Variants in XPNPEP1 observed in about 807,000 individuals in gnomAD.
The protein encoded by XPNPEP1 is xaa-Pro aminopeptidase 1.
A neutral mutation model predicts 92.4 loss-of-function variants in XPNPEP1; 39 were observed. The ratio of observed to expected loss-of-function variants is 0.42; its 90% confidence interval spans 0.33 to 0.55. XPNPEP1 has a LOEUF of 0.55. Among genes scored for constraint, XPNPEP1 ranks in the 20% least tolerant of loss-of-function variants. The pLI is 0.08. For missense variants in XPNPEP1, 654 were observed against 856.1 expected, an observed-to-expected ratio of 0.76 and a Z score of 2.95; for synonymous variants, 307 against 299.4, an observed-to-expected ratio of 1.03 and a Z score of -0.26.
At chr10:109,887,907 A>G (rs1848480564) in intron 7 of XPNPEP1, 142 bp downstream of exon 7, 1 of 1,189,610 alleles carries the variant, frequency 8.4e-7, no homozygotes, top group South Asian at 2.0e-5. Context: ...TGCTTCTTCA[A>G]ATATCCCACT....
chr10:109,888,352 A>C, intron 6 of XPNPEP1, 151 bp downstream of exon 6: 3 of 1,228,850 alleles, frequency 2.4e-6, no homozygotes, highest in Non-Finnish European at 3.3e-6. Context: ...CTTCACCACC[A>C]GTGGAACTCT....
intron 3 of XPNPEP1, among the ~76,000 whole-genome samples, chr10:109,896,606 T>C (rs550178877): frequency 2.0e-5 from 3 of 152,132 alleles, no homozygotes; most frequent in Non-Finnish European, 4.4e-5. Flanking sequence ...ATATGTTTAT[T>C]GTCTTGTTCC....
intron 5 of XPNPEP1, among the ~76,000 whole-genome samples, chr10:109,890,835 T>A (rs1402524018): frequency 6.6e-6 from 1 of 152,244 alleles, no homozygotes; most frequent in Non-Finnish European, 1.5e-5. Flanking sequence ...GTCAGCTGGC[T>A]GCCTGGATCT....
chr10:109,904,323 T>C (rs1473007045), intron 3 of XPNPEP1, among the ~76,000 whole-genome samples: 1 of 151,502 alleles, frequency 6.6e-6, no homozygotes, highest in African/African-American at 2.4e-5. Context: ...TCTGCCAGGC[T>C]GAACAGCCAG....
intron 3 of XPNPEP1, among the ~76,000 whole-genome samples, chr10:109,901,812 A>C (rs1333322637): frequency 6.6e-6 from 1 of 152,254 alleles, no homozygotes; most frequent in Non-Finnish European, 1.5e-5. Flanking sequence ...ACACAGATCA[A>C]ATATTTCCAA....
At chr10:109,894,803 C>T (rs79079303) in intron 3 of XPNPEP1, among the ~76,000 whole-genome samples, 1,579 of 152,278 alleles carry the variant, frequency 0.01, 25 homozygotes, top group African/African-American at 0.036. Context: ...ACAGCAAGCA[C>T]GTTTTATTCC....
At chr10:109,919,349 G>A (rs1850399291) in intron 1 of XPNPEP1, among the ~76,000 whole-genome samples, 1 of 152,136 alleles carries the variant, frequency 6.6e-6, no homozygotes, top group South Asian at 2.1e-4. Flanking sequence ...TCCAGCAAAA[G>A]TACACAAATG....
Position 109,864,998 on chromosome 10 carries a change from C to A in XPNPEP1, c.*186G>T. On this transcript the variant is annotated 3_prime_UTR_variant, in exon 21 of 21. Transcript: ENST00000502935. ...GGCTTGTTCTCAACAATTAAAAAAT[C>A]ATAAAAGACTGAGTGTTTGCAATAA... 1.2e-6 allele frequency: 1 copy of A among 867,854 alleles called. No homozygotes were observed. Among genetic ancestry groups the A allele is most frequent in the Non-Finnish European group, 1.7e-6 (1 of 589,416 alleles). 53.8% of individuals were successfully genotyped at this position (867,854 alleles called of 1,614,324 possible).
In XPNPEP1 at chr10:109,890,581, TGTGTGTGTGTGTGAGAGA is replaced by T. The variant is rs1468350850; in HGVS notation, c.415+1123_415+1140del. ...GTGTGTGTGTGTGTGTGTGTGTGTG[TGTGTGTGTGTGTGAGAGA>T]GAGAGAGAGAGAGAGAGAGAGAGAG... On this transcript the variant is annotated intron_variant, in intron 5 of 20. Transcript: ENST00000502935. Among the ~76,000 whole-genome samples the T allele has an allele frequency of 2.7e-4, 25 of 91,216 alleles. No homozygotes were observed. The East Asian group carries it at 7.0e-3, about 26-fold the overall frequency. 59.8% of individuals were successfully genotyped at this position (91,216 alleles called of 152,430 possible). A position where few individuals can be genotyped will look rare whatever the true frequency, so the allele number is the denominator to read the frequency against.
intron 5 of XPNPEP1, among the ~76,000 whole-genome samples, chr10:109,891,115 C>T (rs959078841): frequency 2.0e-5 from 3 of 152,202 alleles, no homozygotes; most frequent in Non-Finnish European, 4.4e-5. Context: ...TATATACACA[C>T]ATTATTCAAT....
chr10:109,874,746 G>A (rs1412101895), intron 15 of XPNPEP1, among the ~76,000 whole-genome samples: 6 of 152,156 alleles, frequency 3.9e-5, no homozygotes, highest in Non-Finnish European at 5.9e-5. Flanking sequence ...TCAGGAGATC[G>A]AGACCATCCT....
At chr10:109,898,352 G>A (rs1362236733) in intron 3 of XPNPEP1, among the ~76,000 whole-genome samples, 1 of 152,204 alleles carries the variant, frequency 6.6e-6, no homozygotes, top group African/African-American at 2.4e-5. Context: ...GCAAACATAA[G>A]AAACTATCTT....
At chr10:109,874,620 T>C (rs898009524) in intron 15 of XPNPEP1, among the ~76,000 whole-genome samples, 3 of 152,200 alleles carry the variant, frequency 2.0e-5, no homozygotes, top group East Asian at 1.9e-4. Context: ...CCCTTAGCCA[T>C]AGTCCCAACT....
intron 9 of XPNPEP1, 83 bp from the exon 10 acceptor site, chr10:109,882,725 G>A (rs1444106045): frequency 6.9e-7 from 1 of 1,452,620 alleles, no homozygotes; most frequent in African/African-American, 1.4e-5. Context: ...TACACATCAG[G>A]CTCTGTTTCC....
rs1848514355 is a variant in XPNPEP1 at position 109,888,355 on chromosome 10, G to A, written c.508+148C>T. 3.3e-6 allele frequency: 4 copies of A among 1,229,480 alleles called. No homozygotes were observed. The African/African-American group carries it at 6.1e-5, about 19-fold the overall frequency. 76.2% of individuals were successfully genotyped at this position (1,229,480 alleles called of 1,614,324 possible). ...GTAAAAGCACATCTTCACCACCAGT[G>A]GAACTCTTCTCTTCACCCTGACCTC... On this transcript the variant is annotated intron_variant, in intron 6 of 20. Coordinates refer to ENST00000502935, the MANE Select transcript of XPNPEP1 (RefSeq NM_020383.4).
chr10:109,886,145 C>T (rs886127252), intron 8 of XPNPEP1, 101 bp downstream of exon 8: 1 of 1,178,174 alleles, frequency 8.5e-7, no homozygotes, highest in Non-Finnish European at 1.2e-6. Flanking sequence ...CTTCTTATTC[C>T]CTGGCCACTC....
intron 14 of XPNPEP1, chr10:109,876,704 G>C (rs2133378558): frequency 6.6e-6 from 1 of 152,398 alleles, no homozygotes; most frequent in South Asian, 2.1e-4. Flanking sequence ...TATTAAAAGG[G>C]GGAAAAAAGT....
Position 109,923,423 on chromosome 10 carries a change from G to C in XPNPEP1, c.11C>G (p.Ser4Cys). The change falls in exon 1 of 21, where the codon TCC becomes TGC. Residue 4 changes from serine to cysteine, a missense_variant. Transcript: ENST00000502935. Reference sequence around the variant, plus strand: ...TCACCTTACTCGCGGTGGCTTTCTGGAGGCTGCCATTCGGCGGTGACGTGC... The same window carrying C: ...TCACCTTACTCGCGGTGGCTTTCTGCAGGCTGCCATTCGGCGGTGACGTGC... MAA[S>C]RKPPRVRVNH... The C allele has an allele frequency of 6.9e-7, 1 of 1,443,226 alleles. No individual in the cohort carries two copies. The highest frequency in any genetic ancestry group is 9.1e-7 in the Non-Finnish European group (1 of 1,098,170). The allele number at this position is 1,443,226 out of a possible 1,614,324, so 89.4% of individuals were successfully genotyped here.
At chr10:109,907,877 C>A (rs893257720) in intron 2 of XPNPEP1, 62 bp from the exon 3 acceptor site, 1 of 1,598,590 alleles carries the variant, frequency 6.3e-7, no homozygotes, top group Non-Finnish European at 8.5e-7. Flanking sequence ...ACGTCCAGTT[C>A]GAAGTGGGCC....
Sources: allele counts gnomAD v4.1 joint callset (sites outside exome capture counted in the v4.1 genomes callset), GRCh38; gene constraint gnomAD v4.1.1; transcripts MANE v1.5; gene names NCBI Gene and HGNC (gene_info 2026-07-23, HGNC 2026-07-21).